Variants in CTNNA3 observed in about 807,000 individuals in gnomAD.
CTNNA3 encodes the protein catenin alpha 3.
A neutral mutation model predicts 95.7 loss-of-function variants in CTNNA3; 76 were observed. The ratio of observed to expected loss-of-function variants is 0.79; its 90% CI spans 0.66 to 0.96. The LOEUF is 0.96. Ranked by LOEUF, CTNNA3 falls within the 40% of genes least tolerant of loss-of-function variation. The pLI is 0.00. For missense variants in CTNNA3, 1,191 were observed against 1,089.8 expected, an observed-to-expected ratio of 1.09 and a Z score of -1.31; for synonymous variants, 431 against 374.4, an observed-to-expected ratio of 1.15 and a Z score of -1.74.
chr10:66,367,888 T>C (rs1454248044), intron 12 of CTNNA3, among the ~76,000 whole-genome samples: 1 of 14,694 alleles, frequency 6.8e-5, no homozygotes, highest in African/African-American at 1.6e-4. Context: ...ATAATTATTA[T>C]TATTATTATT....
At chr10:67,196,220 T>C (rs1177088828) in intron 6 of CTNNA3, among the ~76,000 whole-genome samples, 3 of 152,058 alleles carry the variant, frequency 2.0e-5, no homozygotes, top group African/African-American at 7.2e-5. Context: ...ATCTAAAGAA[T>C]AGAAGCTTTA....
chr10:66,876,870 T>C (rs970220450), intron 7 of CTNNA3, among the ~76,000 whole-genome samples: 2 of 152,162 alleles, frequency 1.3e-5, no homozygotes, highest in Non-Finnish European at 2.9e-5. Flanking sequence ...TTCTGTGACA[T>C]GCAAACTCTG....
At chr10:66,678,053 C>T (rs562985266) in intron 9 of CTNNA3, among the ~76,000 whole-genome samples, 99 of 152,228 alleles carry the variant, frequency 6.5e-4, no homozygotes, top group Non-Finnish European at 1.3e-3. Flanking sequence ...GCACTATAAA[C>T]GGAACTCAAT....
At chr10:67,442,328 A>AT (rs1407817249) in intron 5 of CTNNA3, among the ~76,000 whole-genome samples, 1 of 152,170 alleles carries the variant, frequency 6.6e-6, no homozygotes, top group African/African-American at 2.4e-5. Flanking sequence ...CAGAAAACAA[A>AT]TAACAAAATA....
chr10:67,170,216 T>C (rs927178777), intron 7 of CTNNA3, among the ~76,000 whole-genome samples: 2 of 152,198 alleles, frequency 1.3e-5, no homozygotes, highest in African/African-American at 4.8e-5. Context: ...GTATGGTAAT[T>C]CCTCAAAGAA....
chr10:66,314,075 C>A (rs962077940), intron 12 of CTNNA3, among the ~76,000 whole-genome samples: 2 of 152,108 alleles, frequency 1.3e-5, no homozygotes, highest in Non-Finnish European at 2.9e-5. Flanking sequence ...ATAGGATTAC[C>A]AGTGTATGCA....
intron 2 of CTNNA3, among the ~76,000 whole-genome samples, chr10:67,609,227 G>A (rs938236039): frequency 6.6e-6 from 1 of 151,792 alleles, no homozygotes; most frequent in Non-Finnish European, 1.5e-5. Context: ...AAAACAACTT[G>A]TATCTAATAT....
chr10:66,125,335 G>A (rs1391518578), intron 13 of CTNNA3, among the ~76,000 whole-genome samples: 4 of 151,996 alleles, frequency 2.6e-5, no homozygotes, highest in African/African-American at 7.2e-5. Flanking sequence ...AGAGTTGAGG[G>A]GAGGAATTGA....
In CTNNA3 at chr10:67,107,928, G is replaced by A. The variant is rs190196393; in HGVS notation, c.1047+72389C>T. ...GCTCTAGCAGGGACTCTGGCCTTGC[G>A]GAGAGTCCCTGTTTCCCCCTTTTCT... On this transcript the variant is annotated intron_variant, in intron 7 of 17. Coordinates refer to ENST00000433211, the MANE Select transcript of CTNNA3 (RefSeq NM_013266.4). 1.8e-3 allele frequency among the ~76,000 whole-genome samples: 279 copies of A among 152,266 alleles called. 3 individuals are homozygous for A. The highest frequency in any genetic ancestry group is 5.8e-3 in the African/African-American group (242 of 41,560).
chr10:67,102,958 G>T (rs1048701042), intron 7 of CTNNA3, among the ~76,000 whole-genome samples: 1 of 151,610 alleles, frequency 6.6e-6, no homozygotes, highest in African/African-American at 2.4e-5. Context: ...CAACATGGAT[G>T]GATAAATTTG....
chr10:66,981,150 T>C (rs1850414743), intron 7 of CTNNA3, among the ~76,000 whole-genome samples: 1 of 152,110 alleles, frequency 6.6e-6, no homozygotes, highest in East Asian at 1.9e-4. Flanking sequence ...GTGATCCACC[T>C]ACCTTGGCCT....
chr10:66,160,310 G>A (rs541998542), intron 13 of CTNNA3, among the ~76,000 whole-genome samples: 4 of 151,814 alleles, frequency 2.6e-5, no homozygotes, highest in East Asian at 1.9e-4. Flanking sequence ...TGATGTAGGC[G>A]TTTAGGGCTA....
At chr10:66,520,004 G>A (rs1249127777) in intron 11 of CTNNA3, among the ~76,000 whole-genome samples, 3 of 151,872 alleles carry the variant, frequency 2.0e-5, no homozygotes, top group Non-Finnish European at 4.4e-5. Flanking sequence ...TGAAAATCTA[G>A]GAAAAACCTA....
chr10:66,190,828 C>T (rs1380655044), intron 13 of CTNNA3, among the ~76,000 whole-genome samples: 1 of 152,060 alleles, frequency 6.6e-6, no homozygotes, highest in Non-Finnish European at 1.5e-5. Context: ...ATCAAGTTCA[C>T]CTTCCCAAAA....
chr10:66,060,196 T>A (rs1249201103), intron 15 of CTNNA3, among the ~76,000 whole-genome samples: 1 of 152,026 alleles, frequency 6.6e-6, no homozygotes, highest in African/African-American at 2.4e-5. Flanking sequence ...TCACAAAATG[T>A]GGGAACTGTT....
At chr10:67,543,525 A>G (rs1156582433) in intron 3 of CTNNA3, among the ~76,000 whole-genome samples, 1 of 152,148 alleles carries the variant, frequency 6.6e-6, no homozygotes. Context: ...CAAGGAAAAC[A>G]TAGTATAAGA....
At chr10:66,697,684 T>C (rs1030821985) in intron 9 of CTNNA3, among the ~76,000 whole-genome samples, 2 of 152,160 alleles carry the variant, frequency 1.3e-5, no homozygotes, top group Non-Finnish European at 2.9e-5. Context: ...TGGGTATAAA[T>C]TAAAACTTAT....
rs67324505 is a variant in CTNNA3, at chr10:67,647,146, TTATATA to T, written c.99+263_99+268del. The stretch of plus-strand genomic sequence containing the variant: ...AATTTATATAAAGGTACTCTGAAAA[TTATATA>T]TATATATATATATATATATATATAT... On this transcript the variant is annotated intron_variant, in intron 2 of 17. Transcript: ENST00000433211. Among the ~76,000 whole-genome samples, 269 of 136,478 alleles carry T rather than the reference TTATATA, an allele frequency of 2.0e-3. 3 individuals are homozygous for T. The highest frequency in any genetic ancestry group is 4.5e-3 in the African/African-American group (175 of 38,882). 89.5% of individuals were successfully genotyped at this position (136,478 alleles called of 152,430 possible).
At chr10:66,580,235 T>C (rs182990130) in intron 10 of CTNNA3, among the ~76,000 whole-genome samples, 2 of 151,750 alleles carry the variant, frequency 1.3e-5, no homozygotes, top group East Asian at 3.9e-4. Context: ...TAACATTCTA[T>C]TTTTTTATTC....
Sources: gnomAD v4.1 joint callset for allele counts (sites outside exome capture counted in the v4.1 genomes callset) on GRCh38, gnomAD v4.1.1 for gene constraint, MANE v1.5 for transcripts, NCBI Gene and HGNC (gene_info 2026-07-23, HGNC 2026-07-21) for gene names.